Variants in AKNA observed in about 807,000 individuals in gnomAD.
The protein encoded by AKNA is microtubule organization protein AKNA.
A neutral mutation model predicts 138.8 loss-of-function variants in AKNA; 67 were observed. The observed-to-expected ratio is 0.48, with a 90% CI of 0.40 to 0.59. AKNA has a LOEUF of 0.59. AKNA is among the 20% of genes least tolerant of loss of function. The probability of loss-of-function intolerance (pLI) is 0.00; values close to 1 mark genes in which losing one functional copy is unlikely to be tolerated. For synonymous variants in AKNA, 737 were observed against 754.4 expected (o/e 0.98, Z 0.38); for missense variants, 1,813 against 1,880.4 (o/e 0.96, Z 0.66).
At position 114,361,670 on chromosome 9, in the gene AKNA, G is replaced by A. The variant is rs1157334087; in HGVS notation, c.2124+34C>T. ...AATTAACGAAGAAATGAATGCACGA[G>A]GGAACAGCCCAATATGGTTGAGCCA... is the stretch of plus-strand genomic sequence containing the variant. On this transcript the variant is annotated intron_variant, in intron 9 of 21. Transcript: ENST00000374088. The A allele has an allele frequency of 3.1e-6, 5 of 1,607,780 alleles. No individual in the cohort carries two copies. In the Admixed American group the frequency reaches 8.3e-5, roughly 27 times the overall value.
intron 3 of AKNA, 41 bp downstream of exon 3, chr9:114,376,425 G>A (rs1281074783): frequency 6.2e-7 from 1 of 1,607,020 alleles, no homozygotes; most frequent in Non-Finnish European, 8.5e-7. Flanking sequence ...CAAGCCAACA[G>A]GGGCCTTGGT....
At chr9:114,397,288 T>C (rs191116911), upstream of AKNA, among the ~76,000 whole-genome samples, 1 of 152,322 alleles carries the variant, frequency 6.6e-6, no homozygotes, top group East Asian at 1.9e-4. Context: ...CAGCCATTGT[T>C]TTATTAACAA....
chr9:114,371,763 G>A (rs947200849), intron 4 of AKNA, among the ~76,000 whole-genome samples: 1 of 152,116 alleles, frequency 6.6e-6, no homozygotes, highest in Non-Finnish European at 1.5e-5. Flanking sequence ...GGTGTCCAGC[G>A]CAACATCCCC....
chr9:114,360,465 T>C (rs1250396843), intron 9 of AKNA, among the ~76,000 whole-genome samples: 1 of 152,198 alleles, frequency 6.6e-6, no homozygotes, highest in Non-Finnish European at 1.5e-5. Flanking sequence ...CATTCCAGCA[T>C]GGCCACCCCA....
chr9:114,383,017 G>A (rs773173993), intron 1 of AKNA: 15 of 395,568 alleles, frequency 3.8e-5, no homozygotes, highest in Admixed American at 1.3e-4. Flanking sequence ...AACGCCTTCC[G>A]AGTGAGGAGT....
At chr9:114,358,632 A>G (rs184337394) in intron 11 of AKNA, among the ~76,000 whole-genome samples, 86 of 152,138 alleles carry the variant, frequency 5.7e-4, no homozygotes, top group African/African-American at 1.9e-3. Flanking sequence ...TAAATGCTCT[A>G]GGCCTTGTGT....
At position 114,343,746 on chromosome 9, in the gene AKNA, G is replaced by C. The variant is rs1040270316; in HGVS notation, c.3719C>G (p.Ser1240Cys). The change falls in exon 19 of 22, where the codon TCC becomes TGC. Residue 1240 changes from serine to cysteine, a missense_variant. Coordinates refer to ENST00000374088, the MANE Select transcript of AKNA (RefSeq NM_001317950.2). ...KAVPKGNGTV[S>C]CPHCRPIRTQ... ...CCTAATGGGCCGGCAGTGGGGACAG[G>C]AGACTGTGCCATTGCCTTTTGGGAC... 2.0e-5 allele frequency: 33 copies of C among 1,614,090 alleles called. No individual in the cohort carries two copies. Among genetic ancestry groups the C allele is most frequent in the Non-Finnish European group, 2.8e-5 (33 of 1,180,034 alleles).
chr9:114,368,420 G>A lies in AKNA; in HGVS notation c.1573+19C>T. 7.6e-7 allele frequency: 1 copy of A among 1,313,256 alleles called. No homozygotes were observed. 81.4% of individuals were successfully genotyped at this position (1,313,256 alleles called of 1,614,324 possible). On this transcript the variant is annotated intron_variant, in intron 5 of 21. Coordinates refer to ENST00000374088, the MANE Select transcript of AKNA (RefSeq NM_001317950.2). Reference sequence around the variant, plus strand: ...CAGGCAGAAGGAGCCTCCAGCTGCAGCTCTTCTCCCGGACTCACCTGAGGC... The same window carrying A: ...CAGGCAGAAGGAGCCTCCAGCTGCAACTCTTCTCCCGGACTCACCTGAGGC...
chr9:114,383,304 T>A, intron 1 of AKNA: 1 of 439,702 alleles, frequency 2.3e-6, no homozygotes, highest in Middle Eastern at 3.4e-4. Flanking sequence ...CTCCCTCTCA[T>A]CTCCTTTTGC....
intron 5 of AKNA, 52 bp from the exon 6 acceptor site, chr9:114,367,749 C>T (rs772710814): frequency 1.3e-6 from 2 of 1,498,754 alleles, no homozygotes; most frequent in Non-Finnish European, 1.8e-6. Flanking sequence ...CTTCCAGGAG[C>T]TGAAGGACTG....
At chr9:114,389,353 G>T (rs959831919), upstream of AKNA, among the ~76,000 whole-genome samples, 4 of 152,132 alleles carry the variant, frequency 2.6e-5, no homozygotes, top group African/African-American at 7.2e-5. Flanking sequence ...AAAAAAACAG[G>T]CCTCTGTATT....
chr9:114,337,013 G>GCCCCCCC lies in AKNA; in HGVS notation c.*40_*41insGGGGGGG. 1 of 1,185,370 alleles carries GCCCCCCC rather than the reference G, an allele frequency of 8.4e-7. No homozygotes were observed. The highest frequency in any genetic ancestry group is 2.5e-5 in the South Asian group (1 of 40,612). The allele number at this position is 1,185,370 out of a possible 1,614,324, so 73.4% of individuals were successfully genotyped here. A position where few individuals can be genotyped will look rare whatever the true frequency, so the allele number is the denominator to read the frequency against. On this transcript the variant is annotated 3_prime_UTR_variant, in exon 22 of 22. Transcript: ENST00000374088. ...CCACTCCTGGCCTGGCAGGCCACCT[G>GCCCCCCC]CCCACCCACCCACCCATCTGCCTCT...
downstream of AKNA, among the ~76,000 whole-genome samples, chr9:114,332,700 G>A (rs1214670241): frequency 1.3e-5 from 2 of 152,134 alleles, no homozygotes; most frequent in Non-Finnish European, 2.9e-5. Flanking sequence ...CACCTCCACT[G>A]TCTGGCTAGG....
intron 15 of AKNA, chr9:114,349,000 C>T (rs1052352580): frequency 3.7e-5 from 17 of 456,152 alleles, no homozygotes; most frequent in East Asian, 1.4e-4. Flanking sequence ...TGTGCCCCAG[C>T]GCTGAGTGTG....
chr9:114,361,765 G>T lies in AKNA; in HGVS notation c.2063C>A (p.Thr688Lys). 1 of 1,613,838 alleles carries T rather than the reference G, an allele frequency of 6.2e-7. No individual in the cohort carries two copies. The highest frequency in any genetic ancestry group is 8.5e-7 in the Non-Finnish European group (1 of 1,180,024). The stretch of plus-strand genomic sequence containing the variant: ...TTGTCCAGAAGGAGCAGGCAGGTGC[G>T]TTGGCTGATGGAGGCAGGGCAGGGC... ...TPALPCLHQP[T>K]HLPAPSGQAP... The change falls in exon 9 of 22, where the codon ACG becomes AAG. Residue 688 changes from threonine (T) to lysine (K), a missense_variant. Physicochemically the swap from Thr to Lys is moderately conservative, Grantham distance 78 (BLOSUM62 -1). Transcript: ENST00000374088.
chr9:114,339,119 T>C (rs112320823), intron 21 of AKNA, among the ~76,000 whole-genome samples: 3,370 of 152,244 alleles, frequency 0.022, 109 homozygotes, highest in African/African-American at 0.076. Context: ...ATTGTAAAAG[T>C]AGGGACTGTC....
Position 114,336,878 on chromosome 9 carries a change from A to T in AKNA, c.*176T>A. 1 of 739,804 alleles carries T rather than the reference A, an allele frequency of 1.4e-6. No homozygotes were observed. Among genetic ancestry groups the T allele is most frequent in the Middle Eastern group, 4.2e-4 (1 of 2,368 alleles). 45.8% of individuals were successfully genotyped at this position (739,804 alleles called of 1,614,324 possible). On this transcript the variant is annotated 3_prime_UTR_variant, in exon 22 of 22. Coordinates refer to ENST00000374088, the MANE Select transcript of AKNA (RefSeq NM_001317950.2). ...GTCACTTCTCTTGGTGACCGAGCTG[A>T]CACCCCCTCCACTTGGAAAGCACAG...
chr9:114,392,838 C>T (rs757795313), upstream of AKNA, among the ~76,000 whole-genome samples: 1 of 152,168 alleles, frequency 6.6e-6, no homozygotes, highest in Non-Finnish European at 1.5e-5. Context: ...TTCCAGGGCT[C>T]ACTGACCCAG....
At chr9:114,363,851 T>C (rs1287887263) in intron 7 of AKNA, among the ~76,000 whole-genome samples, 2 of 152,088 alleles carry the variant, frequency 1.3e-5, no homozygotes, top group Non-Finnish European at 2.9e-5. Context: ...TTGCTGACAG[T>C]TCTCTCCTTT....
Sources: gnomAD v4.1 joint callset for allele counts (sites outside exome capture counted in the v4.1 genomes callset) on GRCh38, gnomAD v4.1.1 for gene constraint, MANE v1.5 for transcripts, NCBI Gene and HGNC (gene_info 2026-07-23, HGNC 2026-07-21) for gene names.